Variants in DNMT1 observed in about 807,000 individuals in gnomAD.
The protein encoded by DNMT1 is DNA (cytosine-5)-methyltransferase 1.
Under a neutral mutation model 205.3 loss-of-function variants are expected in DNMT1, and 24 were observed. The observed-to-expected ratio is 0.12, with a 90% CI of 0.08 to 0.16. The LOEUF (loss-of-function observed/expected upper bound fraction) is 0.16. Ranked by LOEUF, DNMT1 falls within the 10% of genes least tolerant of loss-of-function variation. The pLI, the probability that DNMT1 is intolerant of heterozygous loss-of-function variation, is 1.00. For synonymous variants in DNMT1, 817 were observed against 839.8 expected (o/e 0.97, Z 0.47); for missense variants, 1,293 against 2,177.7 (o/e 0.59, Z 8.09).
chr19:10,182,195 TAGAAA>T, intron 1 of DNMT1, 118 bp from the exon 2 acceptor site: 2 of 1,035,506 alleles, frequency 1.9e-6, no homozygotes, highest in Admixed American at 1.9e-5. Context: ...ATATGAGTGT[TAGAAA>T]AAACTAAGCT....
chr19:10,165,194 C>T (rs997266611), intron 11 of DNMT1, among the ~76,000 whole-genome samples: 1 of 152,036 alleles, frequency 6.6e-6, no homozygotes, highest in African/African-American at 2.4e-5. Context: ...TCACCTGAGC[C>T]TGGGAGGTCG....
At chr19:10,169,295 C>A (rs1487897367) in intron 9 of DNMT1, among the ~76,000 whole-genome samples, 1 of 149,674 alleles carries the variant, frequency 6.7e-6, no homozygotes, top group African/African-American at 2.5e-5. Flanking sequence ...GTAATCCCAG[C>A]ACTTTGGGAG....
chr19:10,173,220 T>G, intron 8 of DNMT1, 46 bp from the exon 9 acceptor site: 1 of 1,601,766 alleles, frequency 6.2e-7, no homozygotes, highest in Non-Finnish European at 8.6e-7. Context: ...TGCCAGGAGC[T>G]TCCCCAAAGA....
chr19:10,171,262 T>C (rs2038809826), intron 9 of DNMT1, among the ~76,000 whole-genome samples: 1 of 152,214 alleles, frequency 6.6e-6, no homozygotes, highest in Non-Finnish European at 1.5e-5. Flanking sequence ...ACTTTATGTC[T>C]GGATGATGCT....
At chr19:10,188,086 G>A (rs183189966) in intron 1 of DNMT1, among the ~76,000 whole-genome samples, 35 of 152,248 alleles carry the variant, frequency 2.3e-4, no homozygotes, top group South Asian at 8.3e-4. Flanking sequence ...TAATTGTGCC[G>A]CTGCATTCCA....
At chr19:10,135,551 C>T (rs573035624) in intron 39 of DNMT1, 185 bp downstream of exon 39, 18 of 658,218 alleles carry the variant, frequency 2.7e-5, no homozygotes, top group East Asian at 2.5e-4. Flanking sequence ...AGCATAGGGA[C>T]GCAGCCTGAC....
intron 1 of DNMT1, among the ~76,000 whole-genome samples, chr19:10,191,284 TAA>T (rs777087948): frequency 1.0e-4 from 13 of 128,828 alleles, no homozygotes; most frequent in African/African-American, 3.2e-4. Flanking sequence ...CTGCCTCAAT[TAA>T]AAAAAAAAAA....
chr19:10,173,791 C>T, intron 8 of DNMT1, 80 bp downstream of exon 8: 2 of 1,538,930 alleles, frequency 1.3e-6, no homozygotes, highest in Non-Finnish European at 1.8e-6. Context: ...CGTGCCCGGC[C>T]TTAAACTTTC....
rs999112299 is a variant in DNMT1, at chr19:10,146,721, A to T, written c.2721-197T>A. ...TTATTTGAGACCAAAGCCCAGAGAG[A>T]ACATAGCAAGAAAATCAGGCAACTT... On this transcript the variant is annotated intron_variant, in intron 27 of 40. Transcript: ENST00000359526. This position sits in a 1 kb window ranked among gnomAD's most constrained non-coding sequence, Gnocchi z 4.4. Among the ~76,000 whole-genome samples, 4 of 152,198 alleles carry T rather than the reference A, an allele frequency of 2.6e-5. No homozygotes were observed. Among genetic ancestry groups the T allele is most frequent in the African/African-American group, 9.7e-5 (4 of 41,446 alleles).
Position 10,137,546 on chromosome 19 carries a change from G to A in DNMT1, c.4294-266C>T. Reference sequence around the variant, plus strand: ...GTGCCAGGGGATGGTGAAAGGGCTGGTCTTGGCATCCTGGGAAAACATGCG... The same window carrying A: ...GTGCCAGGGGATGGTGAAAGGGCTGATCTTGGCATCCTGGGAAAACATGCG... On this transcript the variant is annotated intron_variant, in intron 36 of 40. Transcript: ENST00000359526. This position sits in a 1 kb window ranked among gnomAD's most constrained non-coding sequence, Gnocchi z 6.4. 2 of 640,006 alleles carry A rather than the reference G, an allele frequency of 3.1e-6. No individual in the cohort carries two copies. Among genetic ancestry groups the A allele is most frequent in the South Asian group, 1.9e-5 (1 of 52,100 alleles). The allele number at this position is 640,006 out of a possible 1,614,324, so 39.6% of individuals were successfully genotyped here.
In DNMT1 at chr19:10,158,229, G is replaced by A. The variant is rs534749207; in HGVS notation, c.1280+1429C>T. Among the ~76,000 whole-genome samples, 3 of 152,330 alleles carry A rather than the reference G, an allele frequency of 2.0e-5. No individual in the cohort carries two copies. The East Asian group carries it at 5.8e-4, about 29-fold the overall frequency. On this transcript the variant is annotated intron_variant, in intron 17 of 40. Transcript: ENST00000359526. Reference sequence around the variant, plus strand: ...ATGGTTGCCAGCTCTGCCCACCACAGCACACCTCACTCACACCAGCAGGCA... The same window carrying A: ...ATGGTTGCCAGCTCTGCCCACCACAACACACCTCACTCACACCAGCAGGCA...
chr19:10,134,324 G>T lies in DNMT1; in HGVS notation c.4774-17C>A. The T allele has an allele frequency of 6.2e-7, 1 of 1,613,072 alleles. No individual in the cohort carries two copies. The highest frequency in any genetic ancestry group is 1.1e-5 in the South Asian group (1 of 91,004). ...ATTGCCCACCTGCAGGAGGGGAGAA[G>T]GGCAATGCCTGATGTGGACACCCAG... On this transcript the variant is annotated splice_polypyrimidine_tract_variant and intron_variant, in intron 39 of 40. Transcript: ENST00000359526.
chr19:10,151,413 G>A lies in DNMT1; in HGVS notation c.2250C>T (p.Val750=), dbSNP rs868765335. ...CAAGGGTTACCTTGACGGCTTCTCC[G>A]ACCCAAGAGATGCGATTCTTGTTCT... The part of the protein sequence containing the change: ...KKQNKNRISW[V]GEAVKTDGKK... Residue 750 remains valine, a synonymous_variant, in exon 24 of 41, where the codon GTC becomes GTT. Coordinates refer to ENST00000359526, the MANE Select transcript of DNMT1 (RefSeq NM_001130823.3). This position sits in a 1 kb window ranked among gnomAD's most constrained non-coding sequence, Gnocchi z 5.0. The A allele has an allele frequency of 8.1e-6, 13 of 1,613,608 alleles. No homozygotes were observed. The highest frequency in any genetic ancestry group is 4.0e-5 in the African/African-American group (3 of 74,914).
At chr19:10,182,199 A>G (rs1314257559) in intron 1 of DNMT1, 122 bp from the exon 2 acceptor site, 2 of 1,014,792 alleles carry the variant, frequency 2.0e-6, no homozygotes, top group African/African-American at 3.2e-5. Context: ...GAGTGTTAGA[A>G]AAAACTAAGC....
rs1316848811 is a variant in DNMT1 at position 10,136,177 on chromosome 19, C to T, written c.4600G>A (p.Glu1534Lys). Reference sequence around the variant, plus strand: ...GTTGTGCTGAAGAAGCCGTCCCACTCGAGCCTTCCATAGAGGCCAGCCCAG... The same window carrying T: ...GTTGTGCTGAAGAAGCCGTCCCACTTGAGCCTTCCATAGAGGCCAGCCCAG... ...NHWAGLYGRL[E>K]WDGFFSTTVT... is the part of the protein sequence containing the mutation. The change falls in exon 38 of 41, where the codon GAG (glutamate) becomes AAG (lysine). Residue 1534 changes from glutamate to lysine, a missense_variant. Glu to Lys is a moderately conservative substitution (Grantham distance 56). This residue lies in a region of DNMT1 where 5 missense variants were observed against 55.7 expected (regional missense o/e 0.09). Coordinates refer to ENST00000359526, the MANE Select transcript of DNMT1 (RefSeq NM_001130823.3). 6.2e-7 allele frequency: 1 copy of T among 1,614,090 alleles called. No individual in the cohort carries two copies. The highest frequency in any genetic ancestry group is 8.5e-7 in the Non-Finnish European group (1 of 1,180,042).
chr19:10,189,077 C>T lies in DNMT1; in HGVS notation c.80+5743G>A, dbSNP rs138993496. 2.4e-3 allele frequency among the ~76,000 whole-genome samples: 358 copies of T among 152,246 alleles called. 1 individual carries two copies. The highest frequency in any genetic ancestry group is 8.3e-3 in the African/African-American group (346 of 41,562). On this transcript the variant is annotated intron_variant, in intron 1 of 40. Coordinates refer to ENST00000359526, the MANE Select transcript of DNMT1 (RefSeq NM_001130823.3). ...TTAAGCCGGCAAGTTTGAGGCAAGA[C>T]CCTCCACCTGCAAAAAGATTATGAA...
In DNMT1 at chr19:10,138,025, AG is replaced by A; in HGVS notation, c.4116-17del. Reference sequence around the variant, plus strand: ...CGAGCTCAACCTGCAACAGAGGAGGAGGTCAACACCTCTGGAGATGCACGCA... The same window carrying A: ...CGAGCTCAACCTGCAACAGAGGAGGAGTCAACACCTCTGGAGATGCACGCA... On this transcript the variant is annotated splice_polypyrimidine_tract_variant and intron_variant, in intron 35 of 40. Transcript: ENST00000359526. This position sits in a 1 kb window ranked among gnomAD's most constrained non-coding sequence, Gnocchi z 4.1. 2 of 1,607,002 alleles carry A rather than the reference AG, an allele frequency of 1.2e-6. No individual in the cohort carries two copies. The highest frequency in any genetic ancestry group is 1.7e-6 in the Non-Finnish European group (2 of 1,176,948).
intron 30 of DNMT1, chr19:10,141,815 C>T (rs532530762): frequency 6.5e-5 from 39 of 595,922 alleles, no homozygotes; most frequent in Non-Finnish European, 1.0e-4. Flanking sequence ...TGTTAAACTC[C>T]GGGACCACTT....
Position 10,162,674 on chromosome 19 carries a change from T to A in DNMT1, c.1001A>T (p.Asp334Val), listed in dbSNP as rs2038596602. Residue 334 changes from aspartate (D) to valine (V), a missense_variant, in exon 13 of 41, where the codon GAT becomes GTT. Around this residue, in one of 13 missense-constraint regions of DNMT1, gnomAD observed 394 missense variants for 451.6 expected, o/e 0.87. Coordinates refer to ENST00000359526, the MANE Select transcript of DNMT1 (RefSeq NM_001130823.3). ...NPQISDEKDE[D>V]EKEEKRRKTT... ...GAAAAGTGAGACCTTTACCTTTTCA[T>A]CCTCGTCTTTTTCATCAGAAATCTG... 2 of 1,601,564 alleles carry A rather than the reference T, an allele frequency of 1.2e-6. No individual in the cohort carries two copies. Among genetic ancestry groups the A allele is most frequent in the Non-Finnish European group, 1.7e-6 (2 of 1,170,684 alleles).
Sources: allele counts gnomAD v4.1 joint callset (sites outside exome capture counted in the v4.1 genomes callset), GRCh38; gene constraint gnomAD v4.1.1; regional missense constraint gnomAD v4.1.1; non-coding constraint Gnocchi (gnomAD v3.1); transcripts MANE v1.5; gene names NCBI Gene and HGNC (gene_info 2026-07-23, HGNC 2026-07-21).